Variants in CDH2 observed in about 807,000 individuals in gnomAD.
CDH2 encodes the protein cadherin 2.
In CDH2, 17 loss-of-function variants were observed where a neutral mutation model predicts 92.0. The ratio of observed to expected loss-of-function variants is 0.18; its 90% CI spans 0.13 to 0.28. The LOEUF is 0.28. CDH2 is among the 10% of genes least tolerant of loss of function. The pLI is 1.00. For missense variants in CDH2, 862 were observed against 1,133.1 expected (o/e 0.76, Z 3.44); for synonymous variants, 419 against 415.9 (o/e 1.01, Z -0.09).
At chr18:28,137,077 C>T (rs1251263071) in intron 2 of CDH2, among the ~76,000 whole-genome samples, 2 of 152,134 alleles carry the variant, frequency 1.3e-5, no homozygotes, top group Non-Finnish European at 2.9e-5. Flanking sequence ...ATAAACAGCA[C>T]AGAATAAGGT....
rs17463449 is a variant in CDH2, at chr18:28,125,241, C to T, written c.172+22432G>A. ...AACTGTAAATTGAACCATTGTAAGCCGGGACTGCCTGTACATTATTACACA... is the reference window on the plus strand; with the variant it reads ...AACTGTAAATTGAACCATTGTAAGCTGGGACTGCCTGTACATTATTACACA... On this transcript the variant is annotated intron_variant, in intron 2 of 15. Transcript: ENST00000269141. Among the ~76,000 whole-genome samples, 72 of 152,106 alleles carry T rather than the reference C, an allele frequency of 4.7e-4. No individual in the cohort carries two copies. The East Asian group carries it at 0.011, about 23-fold the overall frequency.
intron 2 of CDH2, among the ~76,000 whole-genome samples, chr18:28,027,111 T>C (rs1380769694): frequency 6.6e-6 from 1 of 152,068 alleles, no homozygotes; most frequent in Non-Finnish European, 1.5e-5. Flanking sequence ...CTGAGAGTCA[T>C]CCATATCTAC....
At position 28,125,560 on chromosome 18, in the gene CDH2, T is replaced by TG. The variant is rs1406891374; in HGVS notation, c.172+22112dup. ...GGACTTATCCACCCTAACATATTCA[T>TG]GTTTTACATGTAAACATTAAGCGTA... On this transcript the variant is annotated intron_variant, in intron 2 of 15. Transcript: ENST00000269141. 3.3e-5 allele frequency among the ~76,000 whole-genome samples: 5 copies of TG among 152,184 alleles called. No individual in the cohort carries two copies. In the South Asian group the frequency reaches 6.2e-4, roughly 19 times the overall value.
At chr18:28,139,639 T>TC (rs2015921236) in intron 2 of CDH2, among the ~76,000 whole-genome samples, 1 of 151,936 alleles carries the variant, frequency 6.6e-6, no homozygotes. Context: ...TTTGAAACAC[T>TC]CCCTCACTTA....
rs1431589248 is a variant in CDH2 at position 27,951,092 on chromosome 18, C to CATT, written c.*1058_*1060dup. 1 of 150,480 alleles carries CATT rather than the reference C, an allele frequency of 6.6e-6. No homozygotes were observed. Among genetic ancestry groups the CATT allele is most frequent in the Non-Finnish European group, 1.5e-5 (1 of 67,522 alleles). 9.3% of individuals were successfully genotyped at this position (150,480 alleles called of 1,614,324 possible). A position where few individuals can be genotyped will look rare whatever the true frequency, so the allele number is the denominator to read the frequency against. On this transcript the variant is annotated 3_prime_UTR_variant, in exon 16 of 16. Transcript: ENST00000269141. The stretch of plus-strand genomic sequence containing the variant: ...TCCAGTTTAAAAGCTTTTTTTTTTC[C>CATT]ATTTTTTTTTTAAAAAAACACACAC...
intron 13 of CDH2, 105 bp from the exon 14 acceptor site, chr18:27,983,188 G>T: frequency 1.3e-6 from 1 of 763,702 alleles, no homozygotes. Context: ...TGAACTGAAG[G>T]CCTGAAATGC....
At chr18:28,117,764 A>C (rs2015519286) in intron 2 of CDH2, among the ~76,000 whole-genome samples, 1 of 152,100 alleles carries the variant, frequency 6.6e-6, no homozygotes, top group Non-Finnish European at 1.5e-5. Context: ...CAAAGCCTGC[A>C]ATTTACAGAC....
intron 2 of CDH2, among the ~76,000 whole-genome samples, chr18:28,139,862 A>T (rs766795649): frequency 6.6e-6 from 1 of 152,012 alleles, no homozygotes; most frequent in Non-Finnish European, 1.5e-5. Context: ...TACTGTTTGT[A>T]TACTGAGTAC....
At position 28,156,422 on chromosome 18, in the gene CDH2, A is replaced by C. The variant is rs34821512; in HGVS notation, c.61-8638T>G. Among the ~76,000 whole-genome samples the C allele has an allele frequency of 3.7e-3, 432 of 118,352 alleles. 10 individuals carry two copies. The highest frequency in any genetic ancestry group is 0.013 in the African/African-American group (407 of 31,810). The allele number at this position is 118,352 out of a possible 152,430, so 77.6% of individuals were successfully genotyped here. A position where few individuals can be genotyped will look rare whatever the true frequency, so the allele number is the denominator to read the frequency against. On this transcript the variant is annotated intron_variant, in intron 1 of 15. Coordinates refer to ENST00000269141, the MANE Select transcript of CDH2 (RefSeq NM_001792.5). ...CAGAATGTCACCTTCCCAGGTACAG[A>C]ATGTCACCTTCCCAGGTATAGCATG...
intron 2 of CDH2, among the ~76,000 whole-genome samples, chr18:28,112,168 C>T (rs997084237): frequency 3.9e-5 from 6 of 152,174 alleles, no homozygotes; most frequent in African/African-American, 9.7e-5. Flanking sequence ...GCATGAATCA[C>T]GTCCATGTCA....
At chr18:28,113,278 T>C (rs1306716969) in intron 2 of CDH2, among the ~76,000 whole-genome samples, 1 of 152,122 alleles carries the variant, frequency 6.6e-6, no homozygotes, top group Non-Finnish European at 1.5e-5. Flanking sequence ...TTTCAATATA[T>C]AATCAATATT....
chr18:28,077,674 T>C (rs2014746875), intron 2 of CDH2, among the ~76,000 whole-genome samples: 1 of 151,848 alleles, frequency 6.6e-6, no homozygotes, highest in African/African-American at 2.4e-5. Context: ...GCGGAACACT[T>C]GAGGTCAGGA....
intron 2 of CDH2, among the ~76,000 whole-genome samples, chr18:28,031,328 A>G (rs2013689976): frequency 1.3e-5 from 2 of 152,028 alleles, no homozygotes; most frequent in South Asian, 4.1e-4. Flanking sequence ...TATATCATCA[A>G]GACGACCAAT....
chr18:28,043,461 A>AATAAATATATATATATATATATATAT (rs1305925743), intron 2 of CDH2, among the ~76,000 whole-genome samples: 1 of 71,986 alleles, frequency 1.4e-5, no homozygotes, highest in Admixed American at 1.7e-4. Context: ...GATATAAATA[A>AATAAATATATATATATATATATATAT]ATATATATAT....
At chr18:28,104,920 T>C (rs891226998) in intron 2 of CDH2, among the ~76,000 whole-genome samples, 3 of 152,052 alleles carry the variant, frequency 2.0e-5, no homozygotes, top group African/African-American at 7.2e-5. Context: ...ATGAAATACA[T>C]GTAAAATATA....
chr18:28,172,789 G>A (rs1035811421), intron 1 of CDH2, among the ~76,000 whole-genome samples: 14 of 152,030 alleles, frequency 9.2e-5, no homozygotes, highest in Middle Eastern at 6.8e-3. Flanking sequence ...TGGGAAAAAT[G>A]GTAGTGTATA....
intron 1 of CDH2, among the ~76,000 whole-genome samples, chr18:28,176,193 G>A (rs1568028252): frequency 1.3e-5 from 2 of 152,268 alleles, no homozygotes; most frequent in East Asian, 1.9e-4. Context: ...AGGCAAAGGC[G>A]CCCCCGGGGC....
intron 2 of CDH2, among the ~76,000 whole-genome samples, chr18:28,061,269 T>C (rs902675265): frequency 1.3e-5 from 2 of 152,216 alleles, no homozygotes; most frequent in South Asian, 2.1e-4. Context: ...CACAGTCAAG[T>C]CCACAAAACA....
chr18:28,009,681 T>C, intron 5 of CDH2, 36 bp downstream of exon 5: 2 of 1,601,902 alleles, frequency 1.2e-6, no homozygotes, highest in African/African-American at 1.3e-5. Flanking sequence ...TTTAGAACTG[T>C]TAATACACAG....
Sources: gnomAD v4.1 joint callset for allele counts (sites outside exome capture counted in the v4.1 genomes callset) on GRCh38, gnomAD v4.1.1 for gene constraint, MANE v1.5 for transcripts, NCBI Gene and HGNC (gene_info 2026-07-23, HGNC 2026-07-21) for gene names.